Variants in ADGRL3 observed in about 807,000 individuals in gnomAD.
ADGRL3 encodes adhesion G protein-coupled receptor L3.
ADGRL3 carries 62 observed loss-of-function variants against 153.5 expected under a neutral mutation model. The ratio of observed to expected loss-of-function variants is 0.40; its 90% CI spans 0.33 to 0.50. ADGRL3 has a LOEUF of 0.50. Among genes scored for constraint, ADGRL3 ranks in the 20% least tolerant of loss-of-function variants. The probability of loss-of-function intolerance (pLI) is 0.47; values close to 1 mark genes in which losing one functional copy is unlikely to be tolerated. For missense variants in ADGRL3, 1,641 were observed against 1,859.4 expected (o/e 0.88, Z 2.16); for synonymous variants, 710 against 672.5 (o/e 1.06, Z -0.86).
intron 15 of ADGRL3, among the ~76,000 whole-genome samples, chr4:61,936,746 C>T (rs1290628750): frequency 6.9e-6 from 1 of 144,832 alleles, no homozygotes; most frequent in African/African-American, 2.5e-5. Context: ...AAAGTAGACC[C>T]CTCTTTCCCA....
intron 3 of ADGRL3, among the ~76,000 whole-genome samples, chr4:61,509,955 C>T (rs912200865): frequency 1.3e-5 from 2 of 152,102 alleles, no homozygotes; most frequent in African/African-American, 4.8e-5. Context: ...TTAATAATAG[C>T]CATTCTGACT....
intron 8 of ADGRL3, among the ~76,000 whole-genome samples, chr4:61,757,219 G>C (rs1286499263): frequency 2.6e-5 from 4 of 152,138 alleles, no homozygotes; most frequent in Admixed American, 2.6e-4. Context: ...TTGTTCCTCT[G>C]GTAGAATTCG....
chr4:61,604,799 A>G (rs1248251774), intron 5 of ADGRL3, among the ~76,000 whole-genome samples: 1 of 152,148 alleles, frequency 6.6e-6, no homozygotes, highest in African/African-American at 2.4e-5. Context: ...ATAGAAAATA[A>G]CTAAAAAGTG....
chr4:61,711,305 G>A (rs1283068876), intron 6 of ADGRL3, among the ~76,000 whole-genome samples: 2 of 151,454 alleles, frequency 1.3e-5, no homozygotes, highest in Non-Finnish European at 2.9e-5. Context: ...AGTTATAAAT[G>A]ATGTTTAGTT....
chr4:61,207,815 G>C (rs1386633570), intron 1 of ADGRL3, among the ~76,000 whole-genome samples: 2 of 152,186 alleles, frequency 1.3e-5, no homozygotes, highest in South Asian at 2.1e-4. Flanking sequence ...ATTTTTAAGA[G>C]TATAAAAGAG....
intron 1 of ADGRL3, among the ~76,000 whole-genome samples, chr4:61,204,824 C>T (rs973730398): frequency 6.6e-6 from 1 of 152,078 alleles, no homozygotes; most frequent in Non-Finnish European, 1.5e-5. Flanking sequence ...TGTGATTTGC[C>T]TGATGGGTAA....
intron 3 of ADGRL3, among the ~76,000 whole-genome samples, chr4:61,499,727 G>T (rs533013184): frequency 6.6e-6 from 1 of 151,928 alleles, no homozygotes; most frequent in African/African-American, 2.4e-5. Context: ...AGGAAAAAAA[G>T]AAAAATACCT....
intron 9 of ADGRL3, among the ~76,000 whole-genome samples, chr4:61,833,413 C>T (rs2097896352): frequency 6.6e-6 from 1 of 152,132 alleles, no homozygotes; most frequent in South Asian, 2.1e-4. Flanking sequence ...TTTTATTACT[C>T]AAGTCAGTCT....
intron 1 of ADGRL3, among the ~76,000 whole-genome samples, chr4:61,377,412 T>C (rs1258964801): frequency 6.6e-6 from 1 of 152,068 alleles, no homozygotes; most frequent in Non-Finnish European, 1.5e-5. Context: ...TTTTCTGCAT[T>C]TTTTCCCCTA....
intron 1 of ADGRL3, among the ~76,000 whole-genome samples, chr4:61,291,828 AATT>A (rs1414080498): frequency 1.4e-5 from 2 of 147,382 alleles, no homozygotes; most frequent in African/African-American, 5.1e-5. Flanking sequence ...AGAAGAGTGT[AATT>A]ATTATCACAT....
At chr4:61,767,107 C>A (rs935645946) in intron 8 of ADGRL3, among the ~76,000 whole-genome samples, 1 of 151,644 alleles carries the variant, frequency 6.6e-6, no homozygotes, top group Non-Finnish European at 1.5e-5. Flanking sequence ...CATGATTGGT[C>A]GCCAAGGAGG....
chr4:61,744,694 C>A lies in ADGRL3; in HGVS notation c.1399+11140C>A, dbSNP rs2096630774. 2.0e-5 allele frequency among the ~76,000 whole-genome samples: 3 copies of A among 152,042 alleles called. No homozygotes were observed. In the South Asian group the frequency reaches 6.2e-4, roughly 32 times the overall value. ...GAAAACTAACAAACAGAAAGGACATCCACACCAAAAAACCATCTGTACATC... is the reference window on the plus strand; with the variant it reads ...GAAAACTAACAAACAGAAAGGACATACACACCAAAAAACCATCTGTACATC... On this transcript the variant is annotated intron_variant, in intron 8 of 26. Coordinates refer to ENST00000683033, the MANE Select transcript of ADGRL3 (RefSeq NM_001387552.1).
intron 4 of ADGRL3, among the ~76,000 whole-genome samples, chr4:61,574,354 A>C (rs917036178): frequency 5.3e-5 from 8 of 151,998 alleles, no homozygotes; most frequent in African/African-American, 1.7e-4. Context: ...CATTCATAAA[A>C]ATTTATTAAT....
intron 1 of ADGRL3, among the ~76,000 whole-genome samples, chr4:61,326,989 G>T (rs2095478558): frequency 6.6e-6 from 1 of 151,946 alleles, no homozygotes. Context: ...TGTTATACAA[G>T]CACCAAACCT....
intron 1 of ADGRL3, among the ~76,000 whole-genome samples, chr4:61,349,876 C>A (rs2096004481): frequency 1.3e-5 from 2 of 152,112 alleles, no homozygotes; most frequent in Non-Finnish European, 2.9e-5. Flanking sequence ...ATGACTATTT[C>A]ATGGATGGCA....
chr4:61,897,691 C>T (rs538223528), intron 11 of ADGRL3, among the ~76,000 whole-genome samples: 1 of 152,236 alleles, frequency 6.6e-6, no homozygotes, highest in Non-Finnish European at 1.5e-5. Flanking sequence ...TTGTAGTGTT[C>T]ACAGGATTGT....
intron 7 of ADGRL3, among the ~76,000 whole-genome samples, chr4:61,731,969 G>T (rs1309565868): frequency 3.3e-5 from 5 of 151,940 alleles, no homozygotes; most frequent in African/African-American, 1.2e-4. Context: ...AGTAATCTTG[G>T]GTTTTAATGC....
At chr4:61,875,524 A>G (rs532375776) in intron 9 of ADGRL3, among the ~76,000 whole-genome samples, 13 of 152,164 alleles carry the variant, frequency 8.5e-5, no homozygotes, top group African/African-American at 3.1e-4. Flanking sequence ...TCATTCCTTG[A>G]TACTGAACTC....
At chr4:61,925,726 C>T (rs541347193) in intron 13 of ADGRL3, among the ~76,000 whole-genome samples, 3 of 152,250 alleles carry the variant, frequency 2.0e-5, no homozygotes, top group South Asian at 2.1e-4. Context: ...CAAACCATGA[C>T]GGCTCTGCCC....
Sources: allele counts gnomAD v4.1 joint callset (sites outside exome capture counted in the v4.1 genomes callset), GRCh38; gene constraint gnomAD v4.1.1; transcripts MANE v1.5; gene names NCBI Gene and HGNC (gene_info 2026-07-23, HGNC 2026-07-21).